The following EMC3 variants were observed in gnomAD, a reference collection of about 807,000 sequenced individuals.
EMC3 encodes the protein ER membrane protein complex subunit 3, also known as 30 kDa protein.
In EMC3, 13 loss-of-function variants were observed where a neutral mutation model predicts 36.6. The ratio of observed to expected loss-of-function variants is 0.35; its 90% CI spans 0.23 to 0.56. The LOEUF (loss-of-function observed/expected upper bound fraction) is 0.56. Among genes scored for constraint, EMC3 ranks in the 20% least tolerant of loss-of-function variants. EMC3 has a pLI of 0.84. For missense variants in EMC3, 220 were observed against 324.5 expected (o/e 0.68, Z 2.47); for synonymous variants, 120 against 111.9 (o/e 1.07, Z -0.46).
chr3:9,969,951 G>A, intron 6 of EMC3, 150 bp from the exon 7 acceptor site: 1 of 1,269,988 alleles, frequency 7.9e-7, no homozygotes, highest in Non-Finnish European at 1.0e-6. Flanking sequence ...CTCTAGGAAA[G>A]TCACTTTGTG....
At chr3:9,998,021 C>T (rs1328294694) in intron 1 of EMC3, among the ~76,000 whole-genome samples, 1 of 152,100 alleles carries the variant, frequency 6.6e-6, no homozygotes, top group Admixed American at 6.6e-5. Flanking sequence ...CACCAATGCA[C>T]GTGGTCTCCA....
chr3:9,984,228 C>T (rs577376600), intron 1 of EMC3, among the ~76,000 whole-genome samples: 4 of 151,696 alleles, frequency 2.6e-5, no homozygotes, highest in African/African-American at 7.3e-5. Context: ...ACTACAGGCA[C>T]GTGCCATCAC....
At chr3:9,986,888 A>G, upstream of EMC3, 1 of 1,338,714 alleles carries the variant, frequency 7.5e-7, no homozygotes, top group South Asian at 1.8e-5. Context: ...CAGTGGCGTC[A>G]GAGCGGCGTC....
intron 1 of EMC3, among the ~76,000 whole-genome samples, chr3:9,984,368 C>T (rs1445082279): frequency 6.6e-6 from 1 of 151,860 alleles, no homozygotes; most frequent in Non-Finnish European, 1.5e-5. Flanking sequence ...GCGTAAGCCA[C>T]CACACCCGGC....
chr3:9,982,049 C>G (rs1322908604), intron 1 of EMC3, among the ~76,000 whole-genome samples: 2 of 149,064 alleles, frequency 1.3e-5, no homozygotes, highest in Non-Finnish European at 3.0e-5. Context: ...CTCCTGGGTT[C>G]AAGAGATTCT....
intron 1 of EMC3, among the ~76,000 whole-genome samples, chr3:9,995,859 G>GA (rs796987269): frequency 3.1e-4 from 44 of 142,710 alleles, no homozygotes; most frequent in Admixed American, 6.3e-4. Context: ...AAATTTGCTG[G>GA]AAAAAAAAAA....
At chr3:9,987,261 C>T, upstream of EMC3, 3 of 983,548 alleles carry the variant, frequency 3.1e-6, no homozygotes, top group Non-Finnish European at 2.4e-6. Flanking sequence ...GGGACGGCTT[C>T]TCGGTGAGTA....
upstream of EMC3, chr3:9,987,969 G>A: frequency 1.0e-6 from 1 of 992,934 alleles, no homozygotes; most frequent in African/African-American, 1.6e-5. Context: ...CACTGTTGCA[G>A]GCTTTCCAAG....
upstream of EMC3, among the ~76,000 whole-genome samples, chr3:9,989,961 C>A (rs1417475559): frequency 1.5e-5 from 2 of 133,678 alleles, no homozygotes; most frequent in African/African-American, 2.8e-5. Context: ...GCCTTTTTAA[C>A]TTTTTTTTTT....
intron 1 of EMC3, among the ~76,000 whole-genome samples, chr3:9,985,289 A>G (rs1457329494): frequency 1.3e-5 from 2 of 152,246 alleles, no homozygotes; most frequent in Admixed American, 6.5e-5. Context: ...TTTTAACTAG[A>G]CACTGTTACC....
upstream of EMC3, among the ~76,000 whole-genome samples, chr3:9,990,325 C>CTTTTTTTTT (rs4020037): frequency 8.2e-4 from 73 of 88,688 alleles, 1 homozygote; most frequent in African/African-American, 4.1e-3. Flanking sequence ...GGGCCTTTCT[C>CTTTTTTTTT]TTTTTTTTTT....
upstream of EMC3, among the ~76,000 whole-genome samples, chr3:9,988,213 G>C (rs994191737): frequency 5.5e-4 from 83 of 152,150 alleles, no homozygotes; most frequent in African/African-American, 1.9e-3. Flanking sequence ...TAGCCATTCA[G>C]ATCAATCCCA....
At chr3:10,007,674 C>A in intron 1 of EMC3, 1 of 1,332,942 alleles carries the variant, frequency 7.5e-7, no homozygotes, top group South Asian at 1.2e-5. Flanking sequence ...AGGTAGGTTC[C>A]AGCTTCCCAG....
intron 1 of EMC3, chr3:9,992,928 A>C (rs571356778): frequency 4.3e-6 from 7 of 1,611,692 alleles, no homozygotes; most frequent in Non-Finnish European, 5.9e-6. Flanking sequence ...AAAGAAGTAC[A>C]TTGAAAGGGT....
chr3:9,981,810 T>C, intron 1 of EMC3: 1 of 406,614 alleles, frequency 2.5e-6, no homozygotes, highest in Middle Eastern at 3.5e-4. Flanking sequence ...TAAGAATCAG[T>C]GTTTCTTCCT....
At chr3:9,975,001 C>T (rs530898647) in intron 3 of EMC3, among the ~76,000 whole-genome samples, 9 of 151,408 alleles carry the variant, frequency 5.9e-5, no homozygotes, top group Admixed American at 4.0e-4. Flanking sequence ...GCTGGGATTA[C>T]AGGCACACAC....
chr3:9,980,670 G>A lies in EMC3; in HGVS notation c.156-3224C>T, dbSNP rs368098639. On this transcript the variant is annotated intron_variant, in intron 1 of 7. Coordinates refer to ENST00000245046, the MANE Select transcript of EMC3 (RefSeq NM_001394674.1). ...CCCAAAGTGCTGGGATTACAGGCGT[G>A]AGCCACCACACCCAGCCAAGTGGAG... Among the ~76,000 whole-genome samples the A allele has an allele frequency of 7.3e-5, 11 of 151,700 alleles. 1 individual carries two copies. In the East Asian group the frequency reaches 9.7e-4, roughly 13 times the overall value.
chr3:9,983,292 C>A (rs1267742148), intron 1 of EMC3, among the ~76,000 whole-genome samples: 1 of 151,992 alleles, frequency 6.6e-6, no homozygotes, highest in Admixed American at 6.6e-5. Flanking sequence ...GGATTACAGG[C>A]ACATGCCACC....
chr3:9,973,648 T>C lies in EMC3; in HGVS notation c.474A>G (p.Leu158=). 2 of 1,614,126 alleles carry C rather than the reference T, an allele frequency of 1.2e-6. No individual in the cohort carries two copies. The highest frequency in any genetic ancestry group is 8.5e-7 in the Non-Finnish European group (1 of 1,179,996). Residue 158 remains leucine, a synonymous_variant, in exon 5 of 8, where the codon CTA becomes CTG. Transcript: ENST00000245046. ...CTTACCAGGATGCATCTAATGTGAG[T>C]AGCTCGATTCCTTGCTGTAACATAG... ...FKPMLQQGIE[L]LTLDASWVSS...
Sources: gnomAD v4.1 joint callset for allele counts (sites outside exome capture counted in the v4.1 genomes callset) on GRCh38, gnomAD v4.1.1 for gene constraint, MANE v1.5 for transcripts, NCBI Gene and HGNC (gene_info 2026-07-23, HGNC 2026-07-21) for gene names.